ENDOD1: variants seen among roughly 807,000 people sequenced by gnomAD.
ENDOD1 encodes endonuclease domain-containing 1 protein.
Under a neutral mutation model 6.5 loss-of-function variants are expected in ENDOD1, and 9 were observed. The ratio of observed to expected loss-of-function variants is 1.39; its 90% CI spans 0.84 to 2.43. ENDOD1 has a LOEUF of 2.43. Ranked by LOEUF, ENDOD1 falls within the 30% of genes most tolerant of loss-of-function variation. The pLI, the probability that ENDOD1 is intolerant of heterozygous loss-of-function variation, is 0.00. For synonymous variants in ENDOD1, 255 were observed against 255.2 expected (o/e 1.00, Z 0.01); for missense variants, 648 against 635.5 (o/e 1.02, Z -0.21).
chr11:95,090,022 G>A lies in ENDOD1; in HGVS notation c.95G>A (p.Gly32Asp). The A allele has an allele frequency of 6.3e-7, 1 of 1,590,404 alleles. No individual in the cohort carries two copies. Among genetic ancestry groups the A allele is most frequent in the South Asian group, 1.1e-5 (1 of 86,970 alleles). The change falls in exon 1 of 2, where the codon GGC becomes GAC. Residue 32 changes from glycine (G) to aspartate (D), a missense_variant. Physicochemically the swap from Gly to Asp is moderately conservative, Grantham distance 94 (BLOSUM62 -1). Transcript: ENST00000278505. ...RLVGEEEAGF[G>D]ECDKFFYAGT... ...GTGGGCGAGGAGGAAGCCGGCTTTG[G>A]CGAATGTGACAAGTTCTTCTACGCC...
At chr11:95,116,553 C>G (rs893161216) in intron 1 of ENDOD1, among the ~76,000 whole-genome samples, 3 of 152,020 alleles carry the variant, frequency 2.0e-5, no homozygotes, top group Non-Finnish European at 4.4e-5. Flanking sequence ...TCTTGCTTGT[C>G]TAGTACTTTA....
At chr11:95,095,144 A>T (rs950336509) in intron 1 of ENDOD1, among the ~76,000 whole-genome samples, 6 of 152,260 alleles carry the variant, frequency 3.9e-5, no homozygotes, top group Non-Finnish European at 7.3e-5. Flanking sequence ...ATATCTATCC[A>T]TGTATCTTCT....
At chr11:95,110,574 C>CATGTGT (rs1555111806) in intron 1 of ENDOD1, among the ~76,000 whole-genome samples, 7 of 138,702 alleles carry the variant, frequency 5.0e-5, no homozygotes, top group Non-Finnish European at 9.4e-5. Flanking sequence ...CTTTCAAGTC[C>CATGTGT]GTGTATGTAT....
At position 95,128,306 on chromosome 11, in the gene ENDOD1, G is replaced by T. The variant is rs1347829527; in HGVS notation, c.301-71G>T. ...CAGTGGGGACTTCTCCAGAGTCTGG[G>T]CAGGATGATTCTAGTGCTGCCTCTG... On this transcript the variant is annotated intron_variant, in intron 1 of 1. Transcript: ENST00000278505. 19 of 1,538,626 alleles carry T rather than the reference G, an allele frequency of 1.2e-5. No homozygotes were observed. In the East Asian group the frequency reaches 4.1e-4, roughly 33 times the overall value.
At chr11:95,105,308 C>T (rs571879319) in intron 1 of ENDOD1, among the ~76,000 whole-genome samples, 2 of 152,284 alleles carry the variant, frequency 1.3e-5, no homozygotes, top group Non-Finnish European at 2.9e-5. Context: ...TAGTATTTGC[C>T]ATAACTTAGG....
At chr11:95,097,907 C>G (rs1001081755) in intron 1 of ENDOD1, among the ~76,000 whole-genome samples, 1 of 152,148 alleles carries the variant, frequency 6.6e-6, no homozygotes. Flanking sequence ...ATCAAGAACT[C>G]GCTTTTGTTC....
intron 1 of ENDOD1, among the ~76,000 whole-genome samples, chr11:95,114,327 G>T (rs1473124317): frequency 6.8e-6 from 1 of 147,584 alleles, no homozygotes; most frequent in Non-Finnish European, 1.5e-5. Flanking sequence ...CAGGCTGATT[G>T]CCCATTTTTA....
chr11:95,101,905 C>A (rs1170241386), intron 1 of ENDOD1, among the ~76,000 whole-genome samples: 3 of 151,970 alleles, frequency 2.0e-5, no homozygotes, highest in Non-Finnish European at 4.4e-5. Flanking sequence ...TAAAGTCTAC[C>A]TCATATTTTC....
intron 1 of ENDOD1, among the ~76,000 whole-genome samples, chr11:95,105,632 C>T (rs1484143850): frequency 6.6e-6 from 1 of 152,140 alleles, no homozygotes; most frequent in Non-Finnish European, 1.5e-5. Flanking sequence ...CATGTGTTCT[C>T]ATTGTTCAGC....
At chr11:95,123,184 G>A (rs1395165507) in intron 1 of ENDOD1, among the ~76,000 whole-genome samples, 1 of 71,220 alleles carries the variant, frequency 1.4e-5, no homozygotes, top group Non-Finnish European at 3.0e-5. Context: ...GCAAGACTCC[G>A]TCTCAAAAAA....
chr11:95,115,736 G>C (rs1440389298), intron 1 of ENDOD1, among the ~76,000 whole-genome samples: 1 of 152,078 alleles, frequency 6.6e-6, no homozygotes, highest in Non-Finnish European at 1.5e-5. Context: ...TTCATCATCA[G>C]TTGAGATGAT....
chr11:95,089,964 T>C lies in ENDOD1; in HGVS notation c.37T>C (p.Phe13Leu). Residue 13 changes from phenylalanine (F) to leucine (L), a missense_variant, in exon 1 of 2, where the codon TTC becomes CTC. By Grantham distance (22) the Phe-to-Leu change is conservative. Transcript: ENST00000278505. ...GCGCTGGCTCGCGCTGGGCAGCCTC[T>C]TCGCCCTGGCTGGGCTGCTGGAAGG... Reference protein sequence around the residue: ...TARWLALGSLFALAGLLEGRL... With the variant: ...TARWLALGSLLALAGLLEGRL... The C allele has an allele frequency of 6.6e-7, 1 of 1,522,342 alleles. No individual in the cohort carries two copies. The highest frequency in any genetic ancestry group is 1.4e-5 in the African/African-American group (1 of 69,610). 94.3% of individuals were successfully genotyped at this position (1,522,342 alleles called of 1,614,324 possible).
intron 1 of ENDOD1, among the ~76,000 whole-genome samples, chr11:95,113,673 A>G (rs189515847): frequency 1.3e-5 from 2 of 152,298 alleles, no homozygotes; most frequent in African/African-American, 4.8e-5. Flanking sequence ...GGTTGTTTCA[A>G]AATCTTAGCT....
chr11:95,112,102 T>TC (rs1859156768), intron 1 of ENDOD1, among the ~76,000 whole-genome samples: 4 of 152,170 alleles, frequency 2.6e-5, no homozygotes, highest in Non-Finnish European at 5.9e-5. Flanking sequence ...GGCCTTAACT[T>TC]CATCTTTCTC....
At chr11:95,121,094 T>C (rs925331836) in intron 1 of ENDOD1, among the ~76,000 whole-genome samples, 5 of 152,252 alleles carry the variant, frequency 3.3e-5, no homozygotes, top group African/African-American at 1.2e-4. Flanking sequence ...CCTATGTTTT[T>C]AGTACCTCTT....
At chr11:95,121,305 C>T (rs966301481) in intron 1 of ENDOD1, among the ~76,000 whole-genome samples, 1 of 152,140 alleles carries the variant, frequency 6.6e-6, no homozygotes, top group Non-Finnish European at 1.5e-5. Context: ...CCTCAGTTTC[C>T]TCACCTGTCT....
At chr11:95,127,073 G>A (rs1859319100) in intron 1 of ENDOD1, among the ~76,000 whole-genome samples, 1 of 152,172 alleles carries the variant, frequency 6.6e-6, no homozygotes, top group South Asian at 2.1e-4. Context: ...ATGTGGGATG[G>A]TTCCACTTGC....
chr11:95,090,917 G>A (rs967281782), intron 1 of ENDOD1, among the ~76,000 whole-genome samples: 1 of 152,126 alleles, frequency 6.6e-6, no homozygotes, highest in Non-Finnish European at 1.5e-5. Context: ...TTTTAGAAAC[G>A]CAATGGGGTA....
intron 1 of ENDOD1, among the ~76,000 whole-genome samples, chr11:95,117,414 C>T (rs1445199610): frequency 1.3e-5 from 2 of 152,100 alleles, no homozygotes; most frequent in Non-Finnish European, 1.5e-5. Flanking sequence ...GTCTCAAAAA[C>T]AAAAACTTTG....
Sources: gnomAD v4.1 joint callset for allele counts (sites outside exome capture counted in the v4.1 genomes callset) on GRCh38, gnomAD v4.1.1 for gene constraint, MANE v1.5 for transcripts, NCBI Gene and HGNC (gene_info 2026-07-23, HGNC 2026-07-21) for gene names.